CHD4: variants seen among roughly 807,000 people sequenced by gnomAD.
CHD4 encodes the protein chromodomain helicase DNA binding protein 4.
A neutral mutation model predicts 235.5 loss-of-function variants in CHD4; 35 were observed. The ratio of observed to expected loss-of-function variants is 0.15; its 90% CI spans 0.11 to 0.20. The LOEUF is 0.20. Among genes scored for constraint, CHD4 ranks in the 10% least tolerant of loss-of-function variants. The pLI, the probability that CHD4 is intolerant of heterozygous loss-of-function variation, is 1.00. For synonymous variants in CHD4, 900 were observed against 850.2 expected, an observed-to-expected ratio of 1.06 and a Z score of -1.02; for missense variants, 1,329 against 2,432.3, an observed-to-expected ratio of 0.55 and a Z score of 9.54.
Position 6,582,701 on chromosome 12 carries a change from A to T in CHD4, c.4284T>A (p.Ile1428=), listed in dbSNP as rs1341836232. ...ARQRKAFLNA[I]MRYGMPPQDA... ...CCTGAGGTGGCATACCATATCGCAT[A>T]ATTGCATTAAGAAAGGCTTTTCGCT... is the stretch of plus-strand genomic sequence containing the variant. The change falls in exon 29 of 40, where the codon ATT becomes ATA. Residue 1428 remains isoleucine (I), a synonymous_variant. Transcript: ENST00000544040. The T allele has an allele frequency of 6.2e-7, 1 of 1,614,044 alleles. No homozygotes were observed. The highest frequency in any genetic ancestry group is 1.7e-5 in the Admixed American group (1 of 59,986).
chr12:6,587,646 A>G (rs1247785805), intron 24 of CHD4, 66 bp downstream of exon 24: 1 of 1,605,150 alleles, frequency 6.2e-7, no homozygotes, highest in Non-Finnish European at 8.5e-7. Flanking sequence ...CTTGGTATCA[A>G]AGATTCTCCC....
Position 6,593,759 on chromosome 12 carries a change from A to G in CHD4, c.2314-143T>C, listed in dbSNP as rs912240190. On this transcript the variant is annotated intron_variant, in intron 15 of 39. Transcript: ENST00000544040. The surrounding 1 kb of genome is among the most constrained non-coding windows in gnomAD (Gnocchi z 4.9). ...TGCTCCTGCTCTCACCTTCCTCTAT[A>G]CAAGTGCCCAGCCCACTCCTTTCCA... The G allele has an allele frequency of 2.9e-6, 2 of 700,016 alleles. No homozygotes were observed. The highest frequency in any genetic ancestry group is 5.4e-5 in the East Asian group (2 of 37,286). 43.4% of individuals were successfully genotyped at this position (700,016 alleles called of 1,614,324 possible).
intron 33 of CHD4, 58 bp downstream of exon 33, chr12:6,580,975 CCAGCCTGGCGG>C (rs1948175626): frequency 1.0e-5 from 16 of 1,574,578 alleles, no homozygotes; most frequent in Non-Finnish European, 1.4e-5. Flanking sequence ...CCACAGCACT[CCAGCCTGGCGG>C]CAGCACTACA....
intron 25 of CHD4, among the ~76,000 whole-genome samples, chr12:6,585,428 C>T (rs1004019831): frequency 1.1e-4 from 17 of 151,614 alleles, no homozygotes; most frequent in African/African-American, 3.1e-4. Flanking sequence ...GGACTACAGG[C>T]GCCCGCCACC....
Position 6,601,587 on chromosome 12 carries a change from G to A in CHD4, c.558-57C>T, listed in dbSNP as rs199795388. The A allele has an allele frequency of 7.7e-4, 1,248 of 1,612,916 alleles. 1 individual carries two copies. Among genetic ancestry groups the A allele is most frequent in the Non-Finnish European group, 9.9e-4 (1,164 of 1,179,268 alleles). On this transcript the variant is annotated intron_variant, in intron 5 of 39. Transcript: ENST00000544040. ...AGGTTTAAGAATAAAAAAAGAAAGA[G>A]AAGTAAGAAGAGAGAACAGAAAGAT...
intron 25 of CHD4, 44 bp from the exon 26 acceptor site, chr12:6,583,422 C>T (rs1308567783): frequency 2.6e-6 from 4 of 1,533,036 alleles, no homozygotes; most frequent in African/African-American, 1.4e-5. Flanking sequence ...CTGAAGTCAG[C>T]ACCACCAGCT....
In CHD4 at chr12:6,573,396, A is replaced by G. The variant is rs181766401; in HGVS notation, c.5362-127T>C. ...AGAACCTATGAAGAACTTCATGGAC[A>G]GCTCATTCCCACACCCAAGTAGTTT... is the stretch of plus-strand genomic sequence containing the variant. On this transcript the variant is annotated intron_variant, in intron 37 of 39. Transcript: ENST00000544040. 129 of 684,472 alleles carry G rather than the reference A, an allele frequency of 1.9e-4. No individual in the cohort carries two copies. The African/African-American group carries it at 2.3e-3, about 12-fold the overall frequency. 42.4% of individuals were successfully genotyped at this position (684,472 alleles called of 1,614,324 possible). A position where few individuals can be genotyped will look rare whatever the true frequency, so the allele number is the denominator to read the frequency against.
intron 22 of CHD4, among the ~76,000 whole-genome samples, chr12:6,589,105 TGTG>T (rs1186592214): frequency 6.6e-6 from 1 of 150,962 alleles, no homozygotes; most frequent in African/African-American, 2.4e-5. Context: ...ATTAGCCAGG[TGTG>T]GTGGCAGGCA....
intron 25 of CHD4, among the ~76,000 whole-genome samples, chr12:6,586,042 G>A (rs1948286775): frequency 6.6e-6 from 1 of 151,900 alleles, no homozygotes; most frequent in East Asian, 1.9e-4. Flanking sequence ...GGAGGTTGCA[G>A]TAGGCTGTGA....
At chr12:6,576,049 CTTT>C (rs35630388) in intron 37 of CHD4, among the ~76,000 whole-genome samples, 3 of 145,964 alleles carry the variant, frequency 2.1e-5, no homozygotes, top group South Asian at 4.3e-4. Context: ...CTCTCGAGAA[CTTT>C]TTTTTTTTTT....
At position 6,582,123 on chromosome 12, in the gene CHD4, G is replaced by C. The variant is rs115252985; in HGVS notation, c.4515+14C>G. The C allele has an allele frequency of 1.3e-5, 20 of 1,535,706 alleles. 1 individual carries two copies. In the African/African-American group the frequency reaches 2.1e-4, roughly 16 times the overall value. ...TGGCCCCCTAGAAACAATGGCAAGA[G>C]GCTCAGGGCTCACCTTCTTGCGAAT... On this transcript the variant is annotated intron_variant, in intron 30 of 39. Transcript: ENST00000544040.
At position 6,581,160 on chromosome 12, in the gene CHD4, G is replaced by C; in HGVS notation, c.4793C>G (p.Pro1598Arg). 6.2e-7 allele frequency: 1 copy of C among 1,614,096 alleles called. No individual in the cohort carries two copies. Among genetic ancestry groups the C allele is most frequent in the Non-Finnish European group, 8.5e-7 (1 of 1,180,022 alleles). ...PETAIECTQA[P>R]APASEDEKVV... ...CTTTTCATCCTCTGAGGCAGGGGCA[G>C]GGGCCTGTGTACACTTCAAAGGAAA... The change falls in exon 33 of 40, where the codon CCT becomes CGT. Residue 1598 changes from proline (P) to arginine (R), a missense_variant. Around this residue, in one of 26 missense-constraint regions of CHD4, gnomAD observed 219 missense variants for 219.3 expected, o/e 1.00. Coordinates refer to ENST00000544040, the MANE Select transcript of CHD4 (RefSeq NM_001273.5).
intron 37 of CHD4, among the ~76,000 whole-genome samples, chr12:6,576,376 AG>A (rs1948071352): frequency 6.6e-6 from 1 of 152,082 alleles, no homozygotes; most frequent in Non-Finnish European, 1.5e-5. Flanking sequence ...AAAACAAAAC[AG>A]GGTCTCACTC....
intron 30 of CHD4, 43 bp downstream of exon 30, chr12:6,582,094 C>A: frequency 1.3e-6 from 2 of 1,509,324 alleles, no homozygotes; most frequent in Non-Finnish European, 1.8e-6. Flanking sequence ...TGAGCCACTG[C>A]GCCTGGCCCC....
At chr12:6,572,401 G>A (rs917099252) in intron 38 of CHD4, among the ~76,000 whole-genome samples, 4 of 150,996 alleles carry the variant, frequency 2.6e-5, no homozygotes, top group African/African-American at 9.7e-5. Flanking sequence ...ACTCCAGCCT[G>A]GGCAACAGAG....
At position 6,580,985 on chromosome 12, in the gene CHD4, G is replaced by A. The variant is rs190390944; in HGVS notation, c.4909+59C>T. 101 of 1,585,460 alleles carry A rather than the reference G, an allele frequency of 6.4e-5. No homozygotes were observed. In the African/African-American group the frequency reaches 1.0e-3, roughly 16 times the overall value. On this transcript the variant is annotated intron_variant, in intron 33 of 39. Coordinates refer to ENST00000544040, the MANE Select transcript of CHD4 (RefSeq NM_001273.5). The stretch of plus-strand genomic sequence containing the variant: ...TCGCGCCACAGCACTCCAGCCTGGC[G>A]GCAGCACTACACTGTCTCAAAACAA...
chr12:6,586,242 C>CA (rs1288266872), intron 25 of CHD4, among the ~76,000 whole-genome samples: 2 of 150,006 alleles, frequency 1.3e-5, no homozygotes, highest in East Asian at 2.0e-4. Context: ...ACTAAAAATA[C>CA]AAAAAAAATT....
intron 37 of CHD4, among the ~76,000 whole-genome samples, chr12:6,574,252 A>C (rs1948030292): frequency 6.6e-6 from 1 of 152,040 alleles, no homozygotes; most frequent in South Asian, 2.1e-4. Context: ...TACCTTTTAA[A>C]AGGTACTCTT....
intron 37 of CHD4, among the ~76,000 whole-genome samples, chr12:6,574,298 TTTAA>T (rs1948031654): frequency 6.6e-6 from 1 of 152,138 alleles, no homozygotes; most frequent in Non-Finnish European, 1.5e-5. Flanking sequence ...GCTTCTGTTG[TTTAA>T]TGCCCCATGA....
Sources: gnomAD v4.1 joint callset for allele counts (sites outside exome capture counted in the v4.1 genomes callset) on GRCh38, gnomAD v4.1.1 for gene constraint, gnomAD v4.1.1 regional missense constraint, Gnocchi (gnomAD v3.1) non-coding constraint, MANE v1.5 for transcripts, NCBI Gene and HGNC (gene_info 2026-07-23, HGNC 2026-07-21) for gene names.